The following GOLGA3 variants were observed in gnomAD, a reference collection of about 807,000 sequenced individuals.
The protein encoded by GOLGA3 is golgin A3.
In GOLGA3, 75 loss-of-function variants were observed where a neutral mutation model predicts 169.4. The observed-to-expected ratio is 0.44, with a 90% CI of 0.37 to 0.54. GOLGA3 has a LOEUF of 0.54. Ranked by LOEUF, GOLGA3 falls within the 20% of genes least tolerant of loss-of-function variation. The probability of loss-of-function intolerance (pLI) is 0.00; values close to 1 mark genes in which losing one functional copy is unlikely to be tolerated. For missense variants in GOLGA3, 1,899 were observed against 1,930.0 expected (o/e 0.98, Z 0.30); for synonymous variants, 824 against 822.4 (o/e 1.00, Z -0.03).
rs568089428 is a variant in GOLGA3, at chr12:132,786,891, C to T, written c.2812-104G>A. On this transcript the variant is annotated intron_variant, in intron 13 of 23. Coordinates refer to ENST00000450791, the MANE Select transcript of GOLGA3 (RefSeq NM_001389683.1). Reference sequence around the variant, plus strand: ...CCCCACCAAAGGCACTGCTCAGGCTCGCCCTGGAGGACTTGGGCCTTGAGA... The same window carrying T: ...CCCCACCAAAGGCACTGCTCAGGCTTGCCCTGGAGGACTTGGGCCTTGAGA... 2.1e-5 allele frequency: 17 copies of T among 792,210 alleles called. No homozygotes were observed. In the East Asian group the frequency reaches 3.9e-4, roughly 18 times the overall value. 49.1% of individuals were successfully genotyped at this position (792,210 alleles called of 1,614,324 possible). A position where few individuals can be genotyped will look rare whatever the true frequency, so the allele number is the denominator to read the frequency against.
chr12:132,816,588 CT>C lies in GOLGA3; in HGVS notation c.357del (p.Ala120LeufsTer48), dbSNP rs1949969492. Reference protein sequence around the residue: ...GTSAEGSVRKEALQSLRLSLP... With the variant: ...GTSAEGSVRKXALQSLRLSLP... ...AGACTGAGTCTGAGAGACTGCAAAG[CT>C]TCTTTTCTAACACTGCCCTCAGCAC... On this transcript the variant is annotated frameshift_variant, in exon 3 of 24. Coordinates refer to ENST00000450791, the MANE Select transcript of GOLGA3 (RefSeq NM_001389683.1). LOFTEE classifies it high-confidence loss of function. 6.2e-7 allele frequency: 1 copy of C among 1,614,120 alleles called. No homozygotes were observed. Among genetic ancestry groups the C allele is most frequent in the East Asian group, 2.2e-5 (1 of 44,886 alleles).
At chr12:132,809,450 C>G (rs889617686) in intron 4 of GOLGA3, among the ~76,000 whole-genome samples, 4 of 149,810 alleles carry the variant, frequency 2.7e-5, no homozygotes, top group Non-Finnish European at 4.4e-5. Context: ...CCCCGCCCCC[C>G]GGTTCCCGGT....
chr12:132,775,055 G>C, intron 22 of GOLGA3, 86 bp downstream of exon 22: 1 of 1,217,868 alleles, frequency 8.2e-7, no homozygotes, highest in East Asian at 2.4e-5. Flanking sequence ...GTTTATGTCT[G>C]AATGACTAAC....
Position 132,805,025 on chromosome 12 carries a change from G to C in GOLGA3, c.1291-3C>G, listed in dbSNP as rs1337288850. On this transcript the variant is annotated splice_polypyrimidine_tract_variant and splice_region_variant and intron_variant, in intron 6 of 23. Transcript: ENST00000450791. ...AGCTCAGCCTTCTCTTTAAGTGCCT[G>C]AAAAGATCCCAACAACCACAATGAT... The C allele has an allele frequency of 1.2e-6, 2 of 1,603,640 alleles. No individual in the cohort carries two copies. The highest frequency in any genetic ancestry group is 2.2e-5 in the South Asian group (2 of 90,894).
intron 12 of GOLGA3, among the ~76,000 whole-genome samples, chr12:132,789,995 T>C (rs1470627175): frequency 6.7e-6 from 1 of 149,800 alleles, no homozygotes; most frequent in Non-Finnish European, 1.5e-5. Context: ...ACAGCACTAC[T>C]GCACTCCAGC....
intron 2 of GOLGA3, among the ~76,000 whole-genome samples, chr12:132,817,510 C>T (rs1460487250): frequency 2.0e-4 from 10 of 49,574 alleles, no homozygotes; most frequent in African/African-American, 6.2e-4. Flanking sequence ...TAAGGTGAAC[C>T]CGCACTCCAC....
In GOLGA3 at chr12:132,774,183, G is replaced by A. The variant is rs1389202653; in HGVS notation, c.4281C>T (p.Asn1427=). 1 of 1,610,356 alleles carries A rather than the reference G, an allele frequency of 6.2e-7. No homozygotes were observed. The highest frequency in any genetic ancestry group is 1.1e-5 in the South Asian group (1 of 90,914). Residue 1427 remains asparagine, a synonymous_variant, in exon 23 of 24, where the codon AAC becomes AAT. Transcript: ENST00000450791. The part of the protein sequence containing the change: ...PPAVSKEPLK[N]LNSCLQQLKQ... ...TGAGCTGCTGGAGGCAGCTGTTCAGGTTCTTGAGGGGCTCCTTGCTCACGG... is the reference window on the plus strand; with the variant it reads ...TGAGCTGCTGGAGGCAGCTGTTCAGATTCTTGAGGGGCTCCTTGCTCACGG...
chr12:132,773,431 A>ATTTT, intron 23 of GOLGA3, 137 bp from the exon 24 acceptor site: 1 of 453,500 alleles, frequency 2.2e-6, no homozygotes, highest in South Asian at 4.7e-5. Flanking sequence ...CTGAGACCAC[A>ATTTT]GAAGCTCAGC....
At chr12:132,823,451 C>T (rs566207323) in intron 1 of GOLGA3, among the ~76,000 whole-genome samples, 3 of 152,340 alleles carry the variant, frequency 2.0e-5, no homozygotes, top group East Asian at 3.9e-4. Flanking sequence ...ACACAACCTT[C>T]GCCTCTAGCT....
intron 16 of GOLGA3, chr12:132,783,925 A>T: frequency 2.1e-6 from 3 of 1,435,482 alleles, no homozygotes; most frequent in Non-Finnish European, 2.7e-6. Context: ...GAAGGGTTCC[A>T]CTATGAATTC....
chr12:132,773,621 G>A (rs1220722561), intron 23 of GOLGA3, among the ~76,000 whole-genome samples: 1 of 152,242 alleles, frequency 6.6e-6, no homozygotes, highest in East Asian at 1.9e-4. Context: ...AGGCTGCCAG[G>A]TGCACCATGT....
At chr12:132,781,124 G>A (rs931562477) in intron 17 of GOLGA3, among the ~76,000 whole-genome samples, 4 of 152,226 alleles carry the variant, frequency 2.6e-5, no homozygotes, top group Non-Finnish European at 5.9e-5. Flanking sequence ...TGGCACGCCT[G>A]TGGGCCCCAC....
intron 2 of GOLGA3, among the ~76,000 whole-genome samples, chr12:132,819,809 G>T (rs1950136281): frequency 6.6e-6 from 1 of 152,228 alleles, no homozygotes; most frequent in African/African-American, 2.4e-5. Flanking sequence ...GGAGGCCGAG[G>T]TGGAAGGATA....
At chr12:132,797,784 T>C (rs941904628) in intron 9 of GOLGA3, among the ~76,000 whole-genome samples, 2 of 151,888 alleles carry the variant, frequency 1.3e-5, no homozygotes, top group African/African-American at 4.8e-5. Flanking sequence ...AGAACAGCTA[T>C]CAAGGCTGCT....
rs1201895146 is a variant in GOLGA3 at position 132,798,178 on chromosome 12, G to GT, written c.1938+161dup. Among the ~76,000 whole-genome samples, 6 of 127,450 alleles carry GT rather than the reference G, an allele frequency of 4.7e-5. 1 individual carries two copies. The highest frequency in any genetic ancestry group is 6.9e-5 in the Non-Finnish European group (4 of 58,296). 83.6% of individuals were successfully genotyped at this position (127,450 alleles called of 152,430 possible). A position where few individuals can be genotyped will look rare whatever the true frequency, so the allele number is the denominator to read the frequency against. ...AGCCCCCACAGGTGAGGGATGAGGG[G>GT]TGGGGGGGGGGTCCCAAAGCCTTAA... On this transcript the variant is annotated intron_variant, in intron 9 of 23. Coordinates refer to ENST00000450791, the MANE Select transcript of GOLGA3 (RefSeq NM_001389683.1).
chr12:132,774,023 G>T, intron 23 of GOLGA3, 134 bp downstream of exon 23: 1 of 737,708 alleles, frequency 1.4e-6, no homozygotes, highest in Non-Finnish European at 2.2e-6. Context: ...GGCTATGTAT[G>T]CGAGTCCCCC....
chr12:132,783,559 G>A (rs2045732274), intron 16 of GOLGA3, among the ~76,000 whole-genome samples: 1 of 34,778 alleles, frequency 2.9e-5, no homozygotes, highest in Admixed American at 3.4e-4. Flanking sequence ...AGCGAGAACT[G>A]TCTCTGAACC....
At chr12:132,773,431 A>ATTTAAT in intron 23 of GOLGA3, 137 bp from the exon 24 acceptor site, 2 of 453,504 alleles carry the variant, frequency 4.4e-6, no homozygotes, top group Non-Finnish European at 3.9e-6. Context: ...CTGAGACCAC[A>ATTTAAT]GAAGCTCAGC....
Position 132,777,394 on chromosome 12 carries a change from T to C in GOLGA3, c.3722+272A>G, listed in dbSNP as rs530720279. Among the ~76,000 whole-genome samples the C allele has an allele frequency of 3.8e-4, 57 of 151,732 alleles. No individual in the cohort carries two copies. The highest frequency in any genetic ancestry group is 1.2e-3 in the African/African-American group (51 of 41,374). Reference sequence around the variant, plus strand: ...GCATGGGACCCACAGAGCCACAGCATCAGCCCCGCGCCGGGCCGCCCCTTC... The same window carrying C: ...GCATGGGACCCACAGAGCCACAGCACCAGCCCCGCGCCGGGCCGCCCCTTC... On this transcript the variant is annotated intron_variant, in intron 19 of 23. Coordinates refer to ENST00000450791, the MANE Select transcript of GOLGA3 (RefSeq NM_001389683.1). The surrounding 1 kb of genome is among the most constrained non-coding windows in gnomAD (Gnocchi z 4.7).
Sources: allele counts gnomAD v4.1 joint callset (sites outside exome capture counted in the v4.1 genomes callset), GRCh38; gene constraint gnomAD v4.1.1; non-coding constraint Gnocchi (gnomAD v3.1); transcripts MANE v1.5; gene names NCBI Gene and HGNC (gene_info 2026-07-23, HGNC 2026-07-21).